Variants in ACACA observed in about 807,000 individuals in gnomAD.
ACACA encodes acetyl-CoA carboxylase alpha.
ACACA carries 103 observed loss-of-function variants against 296.1 expected under a neutral mutation model. That is an observed-to-expected ratio of 0.35 (90% CI 0.30 to 0.41). The LOEUF (loss-of-function observed/expected upper bound fraction) is 0.41. Ranked by LOEUF, ACACA falls within the 10% of genes least tolerant of loss-of-function variation. The probability of loss-of-function intolerance (pLI) is 1.00; values close to 1 mark genes in which losing one functional copy is unlikely to be tolerated. For missense variants in ACACA, 1,554 were observed against 2,989.7 expected (o/e 0.52, Z 11.20); for synonymous variants, 953 against 1,038.6 (o/e 0.92, Z 1.58).
chr17:37,206,902 C>T, intron 31 of ACACA, 23 bp from the exon 32 acceptor site: 1 of 1,584,956 alleles, frequency 6.3e-7, no homozygotes, highest in South Asian at 1.1e-5. Flanking sequence ...AGAGAAACAC[C>T]CACCATGAAA....
intron 3 of ACACA, among the ~76,000 whole-genome samples, chr17:37,326,685 C>T (rs551711431): frequency 2.0e-5 from 3 of 151,864 alleles, no homozygotes; most frequent in Non-Finnish European, 4.4e-5. Flanking sequence ...ACAAAACAGC[C>T]GGGCATGGTA....
At chr17:37,093,501 T>C (rs563811184) in intron 54 of ACACA, among the ~76,000 whole-genome samples, 173 of 152,252 alleles carry the variant, frequency 1.1e-3, no homozygotes, top group Non-Finnish European at 2.1e-3. Context: ...TTGTGTTCCA[T>C]ACTTTTTCTT....
chr17:37,235,128 A>G, intron 24 of ACACA, 29 bp from the exon 25 acceptor site: 4 of 1,612,144 alleles, frequency 2.5e-6, no homozygotes, highest in Non-Finnish European at 3.4e-6. Context: ...ACTGGTTCTC[A>G]CCCATGTATA....
At chr17:37,116,839 G>A (rs919706159) in intron 50 of ACACA, among the ~76,000 whole-genome samples, 2 of 152,214 alleles carry the variant, frequency 1.3e-5, no homozygotes, top group East Asian at 3.8e-4. Flanking sequence ...TAGCAGCAGG[G>A]GAGGGGCGAT....
At chr17:37,260,275 TATATATATATATATATATA>T (rs2081412482) in intron 11 of ACACA, among the ~76,000 whole-genome samples, 57 of 31,686 alleles carry the variant, frequency 1.8e-3, no homozygotes, top group Non-Finnish European at 2.1e-3. Flanking sequence ...TATATATATA[TATATATATATATATATATA>T]TATTTTTTTT....
At chr17:37,197,724 T>C (rs1457642934) in intron 35 of ACACA, among the ~76,000 whole-genome samples, 1 of 150,790 alleles carries the variant, frequency 6.6e-6, no homozygotes. Context: ...GATTGTATAA[T>C]AGATTCTGGA....
At chr17:37,365,798 A>G (rs1435922226) in intron 1 of ACACA, 3 of 915,300 alleles carry the variant, frequency 3.3e-6, no homozygotes, top group African/African-American at 3.6e-5. Flanking sequence ...CATGAGTAGT[A>G]GAGACTCCCC....
intron 25 of ACACA, among the ~76,000 whole-genome samples, chr17:37,227,290 T>C (rs1414862029): frequency 6.6e-6 from 1 of 152,218 alleles, no homozygotes; most frequent in Non-Finnish European, 1.5e-5. Context: ...CTGAAAAAAA[T>C]GTAAATGCAG....
chr17:37,172,933 T>C (rs1234865911), intron 41 of ACACA, among the ~76,000 whole-genome samples: 3 of 152,206 alleles, frequency 2.0e-5, no homozygotes, highest in Non-Finnish European at 4.4e-5. Context: ...ACCTTCAGCA[T>C]AGTACAATTT....
At chr17:37,153,997 T>C (rs1369184898) in intron 43 of ACACA, among the ~76,000 whole-genome samples, 3 of 152,188 alleles carry the variant, frequency 2.0e-5, no homozygotes, top group African/African-American at 7.2e-5. Flanking sequence ...TATGGAACTT[T>C]TTTGGAATTA....
intron 52 of ACACA, among the ~76,000 whole-genome samples, chr17:37,105,173 G>A (rs2073604984): frequency 2.0e-5 from 3 of 152,150 alleles, no homozygotes. Flanking sequence ...TCTCTGCTCA[G>A]CCAAAGGCTC....
chr17:37,341,615 G>A (rs992968356), intron 1 of ACACA, among the ~76,000 whole-genome samples: 5 of 151,082 alleles, frequency 3.3e-5, no homozygotes, highest in African/African-American at 1.2e-4. Context: ...GCTTGAACCC[G>A]AGAGGTGGAG....
At chr17:37,250,240 G>A (rs1172353807) in intron 16 of ACACA, among the ~76,000 whole-genome samples, 2 of 152,194 alleles carry the variant, frequency 1.3e-5, no homozygotes, top group African/African-American at 2.4e-5. Context: ...ATAGGGGACG[G>A]AAACTGGATG....
chr17:37,383,003 T>A (rs995242967), intron 1 of ACACA, among the ~76,000 whole-genome samples: 2 of 152,126 alleles, frequency 1.3e-5, no homozygotes, highest in African/African-American at 4.8e-5. Context: ...CACCACTGCA[T>A]TCCAGTCTGG....
chr17:37,172,447 G>A (rs2076917276), intron 41 of ACACA, among the ~76,000 whole-genome samples: 1 of 152,090 alleles, frequency 6.6e-6, no homozygotes, highest in Non-Finnish European at 1.5e-5. Flanking sequence ...TTCCATGGTA[G>A]GAAGACTTAT....
At chr17:37,374,473 G>C (rs1475626702) in intron 1 of ACACA, among the ~76,000 whole-genome samples, 2 of 152,012 alleles carry the variant, frequency 1.3e-5, no homozygotes, top group African/African-American at 4.8e-5. Flanking sequence ...TTTCAGTAGA[G>C]ATGGAGTTTC....
intron 1 of ACACA, among the ~76,000 whole-genome samples, chr17:37,397,956 C>T (rs35707017): frequency 1.3e-5 from 2 of 151,796 alleles, no homozygotes; most frequent in Non-Finnish European, 2.9e-5. Flanking sequence ...GGGGGCTGGG[C>T]GCGGTGACTC....
chr17:37,257,948 T>C, intron 13 of ACACA, 82 bp from the exon 14 acceptor site: 2 of 1,527,330 alleles, frequency 1.3e-6, no homozygotes, highest in African/African-American at 2.7e-5. Flanking sequence ...AAGTTCTCTG[T>C]TAATCACACA....
chr17:37,168,056 T>C (rs930759743), intron 41 of ACACA, among the ~76,000 whole-genome samples: 2 of 152,292 alleles, frequency 1.3e-5, no homozygotes, highest in East Asian at 3.9e-4. Flanking sequence ...TCTAAGATAA[T>C]TTGACAGAAC....
Sources: allele counts gnomAD v4.1 joint callset (sites outside exome capture counted in the v4.1 genomes callset), GRCh38; gene constraint gnomAD v4.1.1; transcripts MANE v1.5; gene names NCBI Gene and HGNC (gene_info 2026-07-23, HGNC 2026-07-21).